Variants in RYR3 observed in about 807,000 individuals in gnomAD.
RYR3 encodes brain ryanodine receptor-calcium release channel.
Under a neutral mutation model 584.3 loss-of-function variants are expected in RYR3, and 207 were observed. That is an observed-to-expected ratio of 0.35 (90% confidence interval 0.32 to 0.40). The LOEUF (loss-of-function observed/expected upper bound fraction) is 0.40, where lower values mean the gene tolerates loss of function less well. Among genes scored for constraint, RYR3 ranks in the 10% least tolerant of loss-of-function variants. RYR3 has a pLI of 1.00. For synonymous variants in RYR3, 2,416 were observed against 2,248.5 expected, an observed-to-expected ratio of 1.07 and a Z score of -2.11; for missense variants, 5,616 against 6,089.2, an observed-to-expected ratio of 0.92 and a Z score of 2.59.
At chr15:33,661,938 G>T (rs1596030324) in intron 34 of RYR3, among the ~76,000 whole-genome samples, 1 of 152,166 alleles carries the variant, frequency 6.6e-6, no homozygotes, top group South Asian at 2.1e-4. Context: ...CCAGTGTCTT[G>T]CAGGCTTTTG....
chr15:33,820,286 G>A (rs2077039608), intron 77 of RYR3, among the ~76,000 whole-genome samples: 1 of 152,354 alleles, frequency 6.6e-6, no homozygotes, highest in Admixed American at 6.5e-5. Flanking sequence ...GAAAGGATGT[G>A]TTGGGGTATA....
At chr15:33,818,470 G>A in intron 75 of RYR3, 108 bp from the exon 76 acceptor site, 3 of 747,640 alleles carry the variant, frequency 4.0e-6, no homozygotes, top group East Asian at 2.7e-5. Flanking sequence ...TTGTGCTTTA[G>A]TCTGATGCAC....
intron 42 of RYR3, among the ~76,000 whole-genome samples, chr15:33,703,593 C>T (rs2066462397): frequency 6.6e-6 from 1 of 152,176 alleles, no homozygotes; most frequent in Non-Finnish European, 1.5e-5. Flanking sequence ...CACCTCTTTA[C>T]AGCCCCTATA....
chr15:33,564,271 C>A (rs2057576228), intron 11 of RYR3, among the ~76,000 whole-genome samples: 1 of 152,152 alleles, frequency 6.6e-6, no homozygotes. Context: ...CTCTAGAATC[C>A]TAAGCTGACC....
chr15:33,770,131 AAAAG>A lies in RYR3; in HGVS notation c.8816+967_8816+970del, dbSNP rs543153430. 1.1e-3 allele frequency among the ~76,000 whole-genome samples: 165 copies of A among 151,592 alleles called. 2 individuals are homozygous for A. The highest frequency in any genetic ancestry group is 3.6e-3 in the African/African-American group (150 of 41,430). ...GAGAGACCTCATCTTTAAAAAAAAA[AAAAG>A]AAAGAAACGTCTTTATCAAAATTGG... On this transcript the variant is annotated intron_variant, in intron 62 of 103. Transcript: ENST00000634891.
chr15:33,549,457 G>C (rs1036722994), intron 9 of RYR3, among the ~76,000 whole-genome samples: 6 of 152,204 alleles, frequency 3.9e-5, no homozygotes, highest in African/African-American at 1.4e-4. Flanking sequence ...TTTTGCATAT[G>C]AGCAAATATT....
At chr15:33,497,830 A>G (rs1290698777) in intron 2 of RYR3, among the ~76,000 whole-genome samples, 2 of 152,156 alleles carry the variant, frequency 1.3e-5, no homozygotes, top group African/African-American at 4.8e-5. Context: ...ATTCCTGGCT[A>G]GCTGCAATTT....
intron 1 of RYR3, among the ~76,000 whole-genome samples, chr15:33,366,542 C>A (rs1051082548): frequency 3.9e-5 from 6 of 152,146 alleles, no homozygotes; most frequent in Admixed American, 2.0e-4. Flanking sequence ...TACATCTGAA[C>A]AAGAATTAAG....
chr15:33,760,249 T>C (rs2072293578), intron 60 of RYR3, among the ~76,000 whole-genome samples: 1 of 152,222 alleles, frequency 6.6e-6, no homozygotes, highest in Non-Finnish European at 1.5e-5. Context: ...AATAACCCGC[T>C]AGCATCATGA....
chr15:33,861,270 A>C (rs1425115109), intron 102 of RYR3, 92 bp downstream of exon 102: 2 of 934,162 alleles, frequency 2.1e-6, no homozygotes, highest in Non-Finnish European at 3.3e-6. Flanking sequence ...GAAAAAGAGT[A>C]ACCAGAAAGG....
intron 67 of RYR3, among the ~76,000 whole-genome samples, chr15:33,799,190 G>A (rs1278845716): frequency 6.6e-6 from 1 of 152,202 alleles, no homozygotes. Context: ...GGAAAGGGAT[G>A]AAAGGAACAT....
intron 1 of RYR3, among the ~76,000 whole-genome samples, chr15:33,436,308 A>C (rs1250123073): frequency 6.6e-6 from 1 of 151,832 alleles, no homozygotes; most frequent in Non-Finnish European, 1.5e-5. Flanking sequence ...CATCTTTTTC[A>C]TATATTTATT....
At chr15:33,702,476 A>G (rs4780157) in intron 42 of RYR3, among the ~76,000 whole-genome samples, 12,148 of 152,186 alleles carry the variant, frequency 0.08, 1,124 homozygotes, top group African/African-American at 0.23. Context: ...AGTTGCAGCC[A>G]TTAATTAGAT....
At chr15:33,576,302 C>T (rs918803046) in intron 12 of RYR3, among the ~76,000 whole-genome samples, 3 of 152,252 alleles carry the variant, frequency 2.0e-5, no homozygotes, top group African/African-American at 7.2e-5. Context: ...CAAAACCTGG[C>T]AGAGATGAAC....
intron 2 of RYR3, among the ~76,000 whole-genome samples, chr15:33,480,668 T>C (rs996348789): frequency 1.3e-5 from 2 of 152,206 alleles, no homozygotes; most frequent in Admixed American, 1.3e-4. Flanking sequence ...TAAGTTTTAA[T>C]TGTTACTAAT....
chr15:33,425,637 ATTTTTTTTTTT>A (rs68182512), intron 1 of RYR3, among the ~76,000 whole-genome samples: 12 of 121,804 alleles, frequency 9.9e-5, no homozygotes, highest in Non-Finnish European at 2.0e-4. Flanking sequence ...GAGACTCACA[ATTTTTTTTTTT>A]TTTTTTTTTT....
chr15:33,358,262 A>T (rs1306530569), intron 1 of RYR3, among the ~76,000 whole-genome samples: 7 of 152,188 alleles, frequency 4.6e-5, no homozygotes, highest in Non-Finnish European at 8.8e-5. Context: ...GAAAGTGCTT[A>T]GTGGGGTGCA....
At chr15:33,440,611 A>T (rs1269402641) in intron 1 of RYR3, among the ~76,000 whole-genome samples, 1 of 152,194 alleles carries the variant, frequency 6.6e-6, no homozygotes, top group African/African-American at 2.4e-5. Context: ...CCAAAATGTC[A>T]GTAGCGCTAA....
At chr15:33,590,553 A>G (rs915785243) in intron 16 of RYR3, among the ~76,000 whole-genome samples, 1 of 150,818 alleles carries the variant, frequency 6.6e-6, no homozygotes, top group Non-Finnish European at 1.5e-5. Context: ...ATGTTTTTCC[A>G]TTTTGTGTCA....
Sources: allele counts gnomAD v4.1 joint callset (sites outside exome capture counted in the v4.1 genomes callset), GRCh38; gene constraint gnomAD v4.1.1; transcripts MANE v1.5; gene names NCBI Gene and HGNC (gene_info 2026-07-23, HGNC 2026-07-21).